The following ZCCHC17 variants were observed in gnomAD, a reference collection of about 807,000 sequenced individuals.
ZCCHC17 encodes the protein zinc finger CCHC-type containing 17, also known as zinc finger CCHC domain-containing protein 17.
In ZCCHC17, 18 loss-of-function variants were observed where a neutral mutation model predicts 30.6. The ratio of observed to expected loss-of-function variants is 0.59; its 90% confidence interval spans 0.41 to 0.87. The LOEUF is 0.87. ZCCHC17 is among the 40% of genes least tolerant of loss of function. The pLI, the probability that ZCCHC17 is intolerant of heterozygous loss-of-function variation, is 0.00. For synonymous variants in ZCCHC17, 88 were observed against 92.4 expected (o/e 0.95, Z 0.27); for missense variants, 263 against 284.2 (o/e 0.93, Z 0.54).
At chr1:31,340,949 A>G (rs1420920398) in intron 5 of ZCCHC17, among the ~76,000 whole-genome samples, 2 of 152,198 alleles carry the variant, frequency 1.3e-5, no homozygotes, top group Admixed American at 1.3e-4. Flanking sequence ...AGTGCCAGGC[A>G]TTTTATGTAC....
intron 7 of ZCCHC17, among the ~76,000 whole-genome samples, chr1:31,353,823 T>C (rs1233791821): frequency 6.6e-6 from 1 of 152,246 alleles, no homozygotes; most frequent in Non-Finnish European, 1.5e-5. Context: ...ATCACTGGTC[T>C]ATATGTCTTT....
intron 3 of ZCCHC17, among the ~76,000 whole-genome samples, chr1:31,335,401 A>C (rs1638776175): frequency 6.6e-6 from 1 of 152,222 alleles, no homozygotes; most frequent in Non-Finnish European, 1.5e-5. Flanking sequence ...TTTGAGACAA[A>C]GTCTCGCTCT....
At chr1:31,353,824 A>G (rs1310235687) in intron 7 of ZCCHC17, among the ~76,000 whole-genome samples, 2 of 152,156 alleles carry the variant, frequency 1.3e-5, no homozygotes, top group Non-Finnish European at 2.9e-5. Context: ...TCACTGGTCT[A>G]TATGTCTTTA....
chr1:31,345,549 TATATATATATATAATATA>T (rs1277777124), intron 5 of ZCCHC17, among the ~76,000 whole-genome samples: 4 of 131,284 alleles, frequency 3.0e-5, no homozygotes, highest in African/African-American at 1.2e-4. Flanking sequence ...CAGACATTTA[TATATATATATATAATATA>T]ATATATATAT....
In ZCCHC17 at chr1:31,339,960, CTTTTTTTTTT is replaced by C. The variant is rs36008834; in HGVS notation, c.317+927_317+936del. ...TCTGTCTCAAGTCTTTCTTGGATTT[CTTTTTTTTTT>C]TTTTTTTTTTTTTTGAGATGGGGTC... On this transcript the variant is annotated intron_variant, in intron 5 of 7. Transcript: ENST00000344147. Among the ~76,000 whole-genome samples the C allele has an allele frequency of 1.3e-3, 117 of 90,432 alleles. 4 individuals carry two copies. Among genetic ancestry groups the C allele is most frequent in the Non-Finnish European group, 4.7e-4 (21 of 44,908 alleles). The allele number at this position is 90,432 out of a possible 152,430, so 59.3% of individuals were successfully genotyped here.
intron 5 of ZCCHC17, among the ~76,000 whole-genome samples, chr1:31,342,028 G>A (rs1366879339): frequency 6.6e-6 from 1 of 152,128 alleles, no homozygotes; most frequent in African/African-American, 2.4e-5. Context: ...CATTGTGCCT[G>A]ATGTATAGCA....
Position 31,364,712 on chromosome 1 carries a change from C to G in ZCCHC17, c.*519C>G, listed in dbSNP as rs1045971523. On this transcript the variant is annotated 3_prime_UTR_variant, in exon 8 of 8. Coordinates refer to ENST00000344147, the MANE Select transcript of ZCCHC17 (RefSeq NM_016505.4). The stretch of plus-strand genomic sequence containing the variant: ...GTGGTGCTCACTTTTCCCATTCCTC[C>G]TAACATAGTTCTACTATGCTAGAAG... The G allele has an allele frequency of 6.5e-6, 1 of 154,842 alleles. No individual in the cohort carries two copies. The highest frequency in any genetic ancestry group is 2.4e-5 in the African/African-American group (1 of 41,484). The allele number at this position is 154,842 out of a possible 1,614,324, so 9.6% of individuals were successfully genotyped here.
At chr1:31,324,418 G>A (rs1638256119) in intron 3 of ZCCHC17, among the ~76,000 whole-genome samples, 1 of 152,194 alleles carries the variant, frequency 6.6e-6, no homozygotes, top group South Asian at 2.1e-4. Context: ...GCCCCCTTAT[G>A]AGTTAGTGGG....
At position 31,324,743 on chromosome 1, in the gene ZCCHC17, G is replaced by T. The variant is rs975532190; in HGVS notation, c.124+5577G>T. The stretch of plus-strand genomic sequence containing the variant: ...AGCACAGGAGGGAGGCCAAAGGGGT[G>T]CTGAGGGTGGCTCAGCATGGGCCTG... On this transcript the variant is annotated intron_variant, in intron 3 of 7. Coordinates refer to ENST00000344147, the MANE Select transcript of ZCCHC17 (RefSeq NM_016505.4). Among the ~76,000 whole-genome samples, 19 of 152,218 alleles carry T rather than the reference G, an allele frequency of 1.2e-4. 1 individual carries two copies. The highest frequency in any genetic ancestry group is 8.5e-4 in the Admixed American group (13 of 15,290).
In ZCCHC17 at chr1:31,310,977, ACTCT is replaced by A. The variant is rs892427110; in HGVS notation, c.66+816_66+819del. Among the ~76,000 whole-genome samples, 6 of 150,492 alleles carry A rather than the reference ACTCT, an allele frequency of 4.0e-5. No homozygotes were observed. The East Asian group carries it at 7.8e-4, about 20-fold the overall frequency. On this transcript the variant is annotated intron_variant, in intron 2 of 7. Transcript: ENST00000344147. Reference sequence around the variant, plus strand: ...TCCCCTTGGCACCCTATTAGTTAAAACTCTCTATCTCTTGCCTGGTCTTTACTGG... The same window carrying A: ...TCCCCTTGGCACCCTATTAGTTAAAACTATCTCTTGCCTGGTCTTTACTGG...
At chr1:31,345,547 T>TATATATATATATATATTATATA in intron 5 of ZCCHC17, among the ~76,000 whole-genome samples, 1 of 79,976 alleles carries the variant, frequency 1.3e-5, no homozygotes, top group Non-Finnish European at 2.2e-5. Context: ...GACAGACATT[T>TATATATATATATATATTATATA]ATATATATAT....
At chr1:31,341,597 A>C (rs1468781437) in intron 5 of ZCCHC17, among the ~76,000 whole-genome samples, 5 of 152,244 alleles carry the variant, frequency 3.3e-5, no homozygotes, top group Non-Finnish European at 7.3e-5. Flanking sequence ...TTATGTCTAT[A>C]GCTGCATCCA....
intron 3 of ZCCHC17, among the ~76,000 whole-genome samples, chr1:31,319,947 C>A (rs1566964): frequency 0.54 from 82,709 of 152,006 alleles, 23,395 homozygotes; most frequent in Non-Finnish European, 0.62. Flanking sequence ...TTAAAAACTT[C>A]ACTGCAAAAA....
intron 1 of ZCCHC17, among the ~76,000 whole-genome samples, chr1:31,301,413 A>G (rs1041319553): frequency 6.6e-6 from 1 of 152,218 alleles, no homozygotes; most frequent in African/African-American, 2.4e-5. Flanking sequence ...CCTCATTTTT[A>G]AAATGGCAAT....
At chr1:31,337,630 A>G (rs1409534605) in intron 4 of ZCCHC17, among the ~76,000 whole-genome samples, 1 of 152,234 alleles carries the variant, frequency 6.6e-6, no homozygotes, top group African/African-American at 2.4e-5. Flanking sequence ...TACCTGCCAG[A>G]TACACTTCAG....
At chr1:31,308,486 CAG>C (rs1646521090) in intron 1 of ZCCHC17, among the ~76,000 whole-genome samples, 1 of 152,178 alleles carries the variant, frequency 6.6e-6, no homozygotes, top group Non-Finnish European at 1.5e-5. Flanking sequence ...TGAAAGGAAG[CAG>C]TGGGGGTTGA....
chr1:31,299,453 G>A (rs1458201797), intron 1 of ZCCHC17, among the ~76,000 whole-genome samples: 1 of 152,166 alleles, frequency 6.6e-6, no homozygotes, highest in Non-Finnish European at 1.5e-5. Flanking sequence ...TTCTCTTCCT[G>A]AAAAATCTGG....
intron 3 of ZCCHC17, among the ~76,000 whole-genome samples, chr1:31,331,458 T>C (rs1274744254): frequency 6.6e-6 from 1 of 151,960 alleles, no homozygotes; most frequent in Non-Finnish European, 1.5e-5. Context: ...TATCATAATA[T>C]TCTACCGAGG....
At chr1:31,345,583 T>TTATAATATA (rs1639239463) in intron 5 of ZCCHC17, among the ~76,000 whole-genome samples, 1 of 8,132 alleles carries the variant, frequency 1.2e-4, no homozygotes, top group African/African-American at 2.6e-4. Flanking sequence ...TATATATATA[T>TTATAATATA]TAGTTCTCAC....
Sources: gnomAD v4.1 joint callset for allele counts (sites outside exome capture counted in the v4.1 genomes callset) on GRCh38, gnomAD v4.1.1 for gene constraint, MANE v1.5 for transcripts, NCBI Gene and HGNC (gene_info 2026-07-23, HGNC 2026-07-21) for gene names.